Variants in THSD1 observed in about 807,000 individuals in gnomAD.
THSD1 encodes the protein thrombospondin type-1 domain-containing protein 1.
A neutral mutation model predicts 46.3 loss-of-function variants in THSD1; 34 were observed. That is an observed-to-expected ratio of 0.74 (90% CI 0.56 to 0.98). THSD1 has a LOEUF of 0.98. Among genes scored for constraint, THSD1 ranks in the 50% least tolerant of loss-of-function variants. The probability of loss-of-function intolerance (pLI) is 0.00; values close to 1 mark genes in which losing one functional copy is unlikely to be tolerated. For synonymous variants in THSD1, 407 were observed against 416.5 expected, an observed-to-expected ratio of 0.98 and a Z score of 0.28; for missense variants, 1,023 against 1,058.3, an observed-to-expected ratio of 0.97 and a Z score of 0.46.
chr13:52,402,897 C>T (rs1957875887), intron 1 of THSD1: 1 of 985,222 alleles, frequency 1.0e-6, no homozygotes, highest in African/African-American at 1.7e-5. Flanking sequence ...CAGGTATGCC[C>T]AACACCCACT....
Position 52,378,173 on chromosome 13 carries a change from G to C in THSD1, c.1797C>G (p.Ala599=). The part of the protein sequence containing the change: ...SPFPEQPAVS[A]GERPPSRLDL... The stretch of plus-strand genomic sequence containing the variant: ...CCAGCCTGGAGGGAGGCCTTTCCCC[G>C]GCACTGACCGCGGGCTGCTCCGGAA... Residue 599 remains alanine, a synonymous_variant, in exon 5 of 5, where the codon GCC becomes GCG. Coordinates refer to ENST00000258613, the MANE Select transcript of THSD1 (RefSeq NM_018676.4). 2.5e-6 allele frequency: 4 copies of C among 1,614,158 alleles called. No individual in the cohort carries two copies. Among genetic ancestry groups the C allele is most frequent in the Non-Finnish European group, 3.4e-6 (4 of 1,180,032 alleles).
At chr13:52,396,524 TCAAAACAAAA>T (rs1205559125) in intron 3 of THSD1, among the ~76,000 whole-genome samples, 17 of 152,130 alleles carry the variant, frequency 1.1e-4, no homozygotes, top group African/African-American at 3.4e-4. Flanking sequence ...AGACTCTGTC[TCAAAACAAAA>T]CAAAACAAAA....
chr13:52,378,563 G>A lies in THSD1; in HGVS notation c.1407C>T (p.Cys469=), dbSNP rs749844448. The part of the protein sequence containing the change: ...FRKNSDEENI[C]ELSEQRGSFS... The stretch of plus-strand genomic sequence containing the variant: ...AGCTCCCGCGCTGCTCGCTCAGCTC[G>A]CAGATATTCTCCTCGTCCGAGTTCT... Residue 469 remains cysteine (C), a synonymous_variant, in exon 5 of 5, where the codon TGC becomes TGT. Transcript: ENST00000258613. 16 of 1,614,004 alleles carry A rather than the reference G, an allele frequency of 9.9e-6. No individual in the cohort carries two copies. Among genetic ancestry groups the A allele is most frequent in the African/African-American group, 1.3e-5 (1 of 74,908 alleles).
chr13:52,379,995 A>G (rs957665325), intron 4 of THSD1, among the ~76,000 whole-genome samples: 2 of 152,156 alleles, frequency 1.3e-5, no homozygotes, highest in African/African-American at 2.4e-5. Context: ...CCCTTCTATT[A>G]TCCAGAAATT....
intron 3 of THSD1, among the ~76,000 whole-genome samples, chr13:52,386,782 T>C (rs967544284): frequency 6.6e-6 from 1 of 152,182 alleles, no homozygotes; most frequent in African/African-American, 2.4e-5. Context: ...TCTCTCCATT[T>C]CCTCTACTGA....
At position 52,397,553 on chromosome 13, in the gene THSD1, T is replaced by C. The variant is rs773564293; in HGVS notation, c.700A>G (p.Ile234Val). 6.8e-6 allele frequency: 11 copies of C among 1,614,034 alleles called. No homozygotes were observed. Among genetic ancestry groups the C allele is most frequent in the African/African-American group, 6.7e-5 (5 of 74,916 alleles). Reference sequence around the variant, plus strand: ...TATCCAAATTTCTGGGCCAGGTCAATGGGTCCTGTGGAGGTAATGACTGAG... The same window carrying C: ...TATCCAAATTTCTGGGCCAGGTCAACGGGTCCTGTGGAGGTAATGACTGAG... ...RDSVITSTGP[I>V]DLAQKFGYKL... The change falls in exon 3 of 5, where the codon ATT becomes GTT. Residue 234 changes from isoleucine (I) to valine (V), a missense_variant. Ile to Val is a conservative substitution (Grantham distance 29, BLOSUM62 3). Coordinates refer to ENST00000258613, the MANE Select transcript of THSD1 (RefSeq NM_018676.4).
chr13:52,377,691 C>G lies in THSD1; in HGVS notation c.2279G>C (p.Arg760Pro), dbSNP rs200293227. Residue 760 changes from arginine (R) to proline (P), a missense_variant, in exon 5 of 5, where the codon CGT (arginine) becomes CCT (proline). This residue lies in a region of THSD1 where 578 missense variants were observed against 497.4 expected (regional missense o/e 1.16). Transcript: ENST00000258613. Reference sequence around the variant, plus strand: ...CTTGTGACTGGGGGACGGTCCCCGACGAGCTCTGTGGGGCTCTGTTCTCTC... The same window carrying G: ...CTTGTGACTGGGGGACGGTCCCCGAGGAGCTCTGTGGGGCTCTGTTCTCTC... ...GIERTEPHRA[R>P]RGPSPSHKSV... 9.9e-6 allele frequency: 16 copies of G among 1,610,030 alleles called. No individual in the cohort carries two copies. In the African/African-American group the frequency reaches 1.2e-4, roughly 12 times the overall value.
intron 3 of THSD1, 140 bp downstream of exon 3, chr13:52,397,092 G>T (rs988705483): frequency 1.4e-5 from 10 of 738,674 alleles, no homozygotes; most frequent in Non-Finnish European, 1.9e-5. Flanking sequence ...TCAGCTAAGG[G>T]TGATAATGCC....
intron 4 of THSD1, among the ~76,000 whole-genome samples, chr13:52,382,060 T>G (rs967977293): frequency 3.9e-5 from 6 of 152,240 alleles, no homozygotes; most frequent in Non-Finnish European, 8.8e-5. Flanking sequence ...CATTCACTTA[T>G]GTAATTTAGA....
rs781555183 is a variant in THSD1, at chr13:52,377,674, T to A, written c.2296A>T (p.Ser766Cys). 8.1e-6 allele frequency: 13 copies of A among 1,610,086 alleles called. No individual in the cohort carries two copies. In the Admixed American group the frequency reaches 2.0e-4, roughly 25 times the overall value. ...TGCTTCCTTGAGACACTCTTGTGAC[T>A]GGGGGACGGTCCCCGACGAGCTCTG... ...PHRARRGPSPSHKSVSRKQSS... is the reference protein window; with the variant it reads ...PHRARRGPSPCHKSVSRKQSS... The change falls in exon 5 of 5, where the codon AGT becomes TGT. Residue 766 changes from serine to cysteine, a missense_variant. Around this residue, in one of 3 missense-constraint regions of THSD1, gnomAD observed 578 missense variants for 497.4 expected, o/e 1.16. Transcript: ENST00000258613.
At chr13:52,385,557 CAGGGTAT>C (rs151072427) in intron 4 of THSD1, among the ~76,000 whole-genome samples, 1,771 of 152,216 alleles carry the variant, frequency 0.012, 22 homozygotes, top group African/African-American at 0.033. Context: ...TTAGGCCACT[CAGGGTAT>C]AGGACAGGGA....
intron 2 of THSD1, among the ~76,000 whole-genome samples, chr13:52,400,916 T>G (rs1482384017): frequency 6.6e-6 from 1 of 152,186 alleles, no homozygotes; most frequent in Non-Finnish European, 1.5e-5. Context: ...CAAGAACACA[T>G]ACTTTTTTGT....
At chr13:52,384,733 C>T (rs1957717859) in intron 4 of THSD1, among the ~76,000 whole-genome samples, 1 of 152,016 alleles carries the variant, frequency 6.6e-6, no homozygotes, top group Non-Finnish European at 1.5e-5. Context: ...ATGATCCCAT[C>T]CCAGAATTGA....
intron 1 of THSD1, among the ~76,000 whole-genome samples, chr13:52,405,250 A>G (rs1957898023): frequency 2.0e-5 from 3 of 152,184 alleles, no homozygotes; most frequent in Non-Finnish European, 4.4e-5. Context: ...CTGAGACCCC[A>G]TGTTTTTGCT....
At chr13:52,405,905 C>T (rs1014707037) in intron 1 of THSD1, 126 bp downstream of exon 1, 2 of 152,334 alleles carry the variant, frequency 1.3e-5, no homozygotes, top group African/African-American at 4.8e-5. Flanking sequence ...GGGGCCGCCA[C>T]CGTCCACCTG....
chr13:52,398,602 T>G (rs1269305799), intron 2 of THSD1: 2 of 985,304 alleles, frequency 2.0e-6, no homozygotes, highest in Non-Finnish European at 2.4e-6. Context: ...AAAATGATAC[T>G]GAGCACAGAT....
intron 3 of THSD1, among the ~76,000 whole-genome samples, chr13:52,395,227 A>G (rs565538281): frequency 6.6e-6 from 1 of 152,336 alleles, no homozygotes; most frequent in African/African-American, 2.4e-5. Flanking sequence ...ACAGATGGAA[A>G]CCAATTAGGA....
intron 4 of THSD1, chr13:52,384,185 A>C (rs1189165388): frequency 2.3e-5 from 3 of 129,680 alleles, no homozygotes; most frequent in South Asian, 4.0e-4. Flanking sequence ...ACTCCGTCTC[A>C]AAAAAAAAAA....
rs891353547 is a variant in THSD1, at chr13:52,379,115, G to T, written c.1181-326C>A. 2.0e-5 allele frequency among the ~76,000 whole-genome samples: 3 copies of T among 152,176 alleles called. No individual in the cohort carries two copies. In the East Asian group the frequency reaches 5.8e-4, roughly 29 times the overall value. ...CCTGACTTGTGATCCACCCGCCTTG[G>T]CCTCCCAAAGTGCTGGGATTACAGG... On this transcript the variant is annotated intron_variant, in intron 4 of 4. Coordinates refer to ENST00000258613, the MANE Select transcript of THSD1 (RefSeq NM_018676.4).
Sources: gnomAD v4.1 joint callset for allele counts (sites outside exome capture counted in the v4.1 genomes callset) on GRCh38, gnomAD v4.1.1 for gene constraint, gnomAD v4.1.1 regional missense constraint, MANE v1.5 for transcripts, NCBI Gene and HGNC (gene_info 2026-07-23, HGNC 2026-07-21) for gene names.